The following MAGI3 variants were observed in gnomAD, a reference collection of about 807,000 sequenced individuals.
MAGI3 encodes the protein membrane associated guanylate kinase, WW and PDZ domain containing 3, also known as membrane-associated guanylate kinase, WW and PDZ domain-containing protein 3.
Under a neutral mutation model 121.8 loss-of-function variants are expected in MAGI3, and 43 were observed. That is an observed-to-expected ratio of 0.35 (90% CI 0.28 to 0.46). The LOEUF is 0.46. MAGI3 is among the 20% of genes least tolerant of loss of function. MAGI3 has a pLI of 1.00. For missense variants in MAGI3, 1,547 were observed against 1,797.3 expected (o/e 0.86, Z 2.52); for synonymous variants, 553 against 639.3 (o/e 0.86, Z 2.04).
At chr1:113,604,460 G>A (rs1461648670) in intron 6 of MAGI3, among the ~76,000 whole-genome samples, 2 of 149,026 alleles carry the variant, frequency 1.3e-5, no homozygotes, top group South Asian at 2.1e-4. Context: ...CCACCTACTC[G>A]GGAGGCTGAG....
Position 113,672,694 on chromosome 1 carries a change from C to G in MAGI3, c.2998C>G (p.Gln1000Glu). ...HSWSDHKHLA[Q>E]PDTAVISVVG... The stretch of plus-strand genomic sequence containing the variant: ...TTGGTCAGACCACAAGCACCTTGCA[C>G]AGCCTGACACCGCAGTAATTTCAGT... Residue 1000 changes from glutamine to glutamate, a missense_variant, in exon 18 of 21, where the codon CAG becomes GAG. By Grantham distance (29) the Gln-to-Glu change is conservative. Coordinates refer to ENST00000307546, the MANE Select transcript of MAGI3 (RefSeq NM_001142782.2). 1 of 1,613,906 alleles carries G rather than the reference C, an allele frequency of 6.2e-7. No individual in the cohort carries two copies. The highest frequency in any genetic ancestry group is 8.5e-7 in the Non-Finnish European group (1 of 1,179,892).
intron 1 of MAGI3, among the ~76,000 whole-genome samples, chr1:113,486,589 T>A (rs1656390677): frequency 6.6e-6 from 1 of 152,096 alleles, no homozygotes; most frequent in Non-Finnish European, 1.5e-5. Flanking sequence ...TATGTATATT[T>A]TGATGTTTTC....
intron 2 of MAGI3, among the ~76,000 whole-genome samples, chr1:113,560,362 C>T (rs960999027): frequency 6.6e-5 from 10 of 150,852 alleles, no homozygotes; most frequent in Non-Finnish European, 1.2e-4. Flanking sequence ...AGTCACAGAG[C>T]GAGACTCCAT....
intron 3 of MAGI3, among the ~76,000 whole-genome samples, chr1:113,582,319 T>G (rs1283149371): frequency 6.6e-6 from 1 of 152,022 alleles, no homozygotes; most frequent in Non-Finnish European, 1.5e-5. Flanking sequence ...CATATGCATA[T>G]GTAGACACAT....
chr1:113,496,098 C>G (rs1001339171), intron 1 of MAGI3, among the ~76,000 whole-genome samples: 4 of 152,128 alleles, frequency 2.6e-5, no homozygotes, highest in Non-Finnish European at 2.9e-5. Context: ...GCCTGATAGT[C>G]TGATAAAGGA....
intron 1 of MAGI3, among the ~76,000 whole-genome samples, chr1:113,511,388 G>T (rs924479949): frequency 6.6e-6 from 1 of 152,214 alleles, no homozygotes; most frequent in Non-Finnish European, 1.5e-5. Context: ...AGAATGAAAA[G>T]ATGGTTGTTA....
At chr1:113,452,960 G>A (rs966112777) in intron 1 of MAGI3, among the ~76,000 whole-genome samples, 22 of 152,148 alleles carry the variant, frequency 1.4e-4, no homozygotes, top group African/African-American at 5.3e-4. Context: ...GAATTAATAA[G>A]TTGACCAGCA....
intron 1 of MAGI3, among the ~76,000 whole-genome samples, chr1:113,432,226 A>G (rs993160018): frequency 2.0e-5 from 3 of 152,258 alleles, no homozygotes; most frequent in Non-Finnish European, 2.9e-5. Context: ...AAAATAGCCA[A>G]CACTTATGTT....
chr1:113,478,246 A>G (rs1287643232), intron 1 of MAGI3, among the ~76,000 whole-genome samples: 1 of 152,188 alleles, frequency 6.6e-6, no homozygotes, highest in Admixed American at 6.5e-5. Flanking sequence ...TGTCAAAATC[A>G]TTCCCTGTCC....
chr1:113,459,183 A>G (rs571892260), intron 1 of MAGI3, among the ~76,000 whole-genome samples: 2 of 152,272 alleles, frequency 1.3e-5, no homozygotes, highest in African/African-American at 4.8e-5. Context: ...GATGGCTAAG[A>G]TTTTGTTGAA....
At chr1:113,570,501 C>G (rs1177281192) in intron 2 of MAGI3, among the ~76,000 whole-genome samples, 3 of 152,160 alleles carry the variant, frequency 2.0e-5, no homozygotes, top group African/African-American at 4.8e-5. Flanking sequence ...AATTTACACT[C>G]CCACTAACAG....
chr1:113,568,214 A>T (rs1418958), intron 2 of MAGI3, among the ~76,000 whole-genome samples: 34,387 of 152,002 alleles, frequency 0.23, 4,940 homozygotes, highest in East Asian at 0.65. Flanking sequence ...TATTTCTTTC[A>T]TACCATCAAT....
At chr1:113,655,080 T>C (rs935028566) in intron 15 of MAGI3, among the ~76,000 whole-genome samples, 4 of 152,166 alleles carry the variant, frequency 2.6e-5, no homozygotes, top group Admixed American at 2.0e-4. Context: ...CCCAAAGCAG[T>C]TGCCATGGAA....
chr1:113,403,975 CTCATTGTCATTTCTGTGAGCT>C (rs1351435024), intron 1 of MAGI3: 1 of 151,448 alleles, frequency 6.6e-6, no homozygotes, highest in African/African-American at 2.4e-5. Context: ...TTCTTGATGG[CTCATTGTCATTTCTGTGAGCT>C]TCTCTTTTCA....
chr1:113,471,236 GT>G, intron 1 of MAGI3, among the ~76,000 whole-genome samples: 1 of 152,236 alleles, frequency 6.6e-6, no homozygotes, highest in Non-Finnish European at 1.5e-5. Flanking sequence ...CACAAAACAA[GT>G]TTTAACAAAT....
intron 1 of MAGI3, among the ~76,000 whole-genome samples, chr1:113,503,433 A>G (rs1286434302): frequency 2.0e-5 from 3 of 151,628 alleles, no homozygotes. Context: ...AACTTCTATA[A>G]TTTGAAATTA....
chr1:113,561,853 A>G (rs1660250209), intron 2 of MAGI3, among the ~76,000 whole-genome samples: 1 of 152,202 alleles, frequency 6.6e-6, no homozygotes, highest in Non-Finnish European at 1.5e-5. Flanking sequence ...GATCTCCTAT[A>G]TCTAGAAAAT....
chr1:113,481,057 A>T (rs5023142), intron 1 of MAGI3, among the ~76,000 whole-genome samples: 1 of 152,190 alleles, frequency 6.6e-6, no homozygotes, highest in East Asian at 1.9e-4. Flanking sequence ...TTATCACTAC[A>T]TCCATATTAC....
chr1:113,495,903 T>C (rs965711982), intron 1 of MAGI3, among the ~76,000 whole-genome samples: 5 of 151,732 alleles, frequency 3.3e-5, no homozygotes, highest in Admixed American at 6.6e-5. Flanking sequence ...ACTGAATAAA[T>C]CAAAACAGCT....
Sources: allele counts gnomAD v4.1 joint callset (sites outside exome capture counted in the v4.1 genomes callset), GRCh38; gene constraint gnomAD v4.1.1; transcripts MANE v1.5; gene names NCBI Gene and HGNC (gene_info 2026-07-23, HGNC 2026-07-21).